EFHC2: variants seen among roughly 807,000 people sequenced by gnomAD.
EFHC2 encodes the protein EF-hand domain containing 2, also known as EF-hand domain-containing family member C2.
A neutral mutation model predicts 52.7 loss-of-function variants in EFHC2; 18 were observed. The observed-to-expected ratio is 0.34, with a 90% confidence interval of 0.24 to 0.51. EFHC2 has a LOEUF of 0.51. Among genes scored for constraint, EFHC2 ranks in the 20% least tolerant of loss-of-function variants. The pLI is 0.97. For missense variants in EFHC2, 513 were observed against 562.5 expected, an observed-to-expected ratio of 0.91 and a Z score of 0.89; for synonymous variants, 203 against 204.1, an observed-to-expected ratio of 0.99 and a Z score of 0.04.
At chrX:44,219,152 A>G (rs1334643193) in intron 11 of EFHC2, among the ~76,000 whole-genome samples, 1 of 108,422 alleles carries the variant, frequency 9.2e-6, no homozygotes, top group African/African-American at 3.4e-5. Flanking sequence ...AGTTAAAAAA[A>G]AAAAAAAAGC....
At chrX:44,222,767 T>C (rs1190557930) in intron 11 of EFHC2, among the ~76,000 whole-genome samples, 1 of 112,086 alleles carries the variant, frequency 8.9e-6, no homozygotes, top group Admixed American at 9.5e-5. Context: ...TATTAAAGTA[T>C]AATTGACAAA....
At chrX:44,289,669 T>TTTTC (rs1184358153) in intron 2 of EFHC2, among the ~76,000 whole-genome samples, 1 of 104,044 alleles carries the variant, frequency 9.6e-6, no homozygotes, top group African/African-American at 3.6e-5. Context: ...TACATCTTTC[T>TTTTC]TTTCTTTCTT....
At chrX:44,274,643 T>C (rs1028681925) in intron 2 of EFHC2, among the ~76,000 whole-genome samples, 1 of 111,908 alleles carries the variant, frequency 8.9e-6, no homozygotes, top group African/African-American at 3.2e-5. Context: ...CTGGCTACAG[T>C]GGCTCAGGCC....
At chrX:44,223,025 T>G (rs1486968812) in intron 11 of EFHC2, among the ~76,000 whole-genome samples, 3 of 112,135 alleles carry the variant, frequency 2.7e-5, no homozygotes, top group African/African-American at 6.5e-5. Context: ...TGAAACTTTC[T>G]ACAAAGGCTA....
intron 1 of EFHC2, among the ~76,000 whole-genome samples, chrX:44,325,812 T>C (rs375756359): frequency 4.8e-5 from 5 of 104,412 alleles, no homozygotes; most frequent in African/African-American, 1.8e-4. Flanking sequence ...AGCCATGAGC[T>C]AGATAAGCCA....
intron 3 of EFHC2, among the ~76,000 whole-genome samples, chrX:44,267,109 C>A (rs899118423): frequency 8.9e-6 from 1 of 111,872 alleles, no homozygotes; most frequent in Non-Finnish European, 1.9e-5. Flanking sequence ...AATCACGGCA[C>A]ATTTCTAATC....
chrX:44,262,568 A>G (rs1247507687), intron 3 of EFHC2, among the ~76,000 whole-genome samples: 1 of 109,685 alleles, frequency 9.1e-6, no homozygotes, highest in Non-Finnish European at 1.9e-5. Flanking sequence ...AGAATTTGAA[A>G]AAAAGAAAAA....
chrX:44,317,915 C>A (rs938424205), intron 1 of EFHC2, among the ~76,000 whole-genome samples: 1 of 112,556 alleles, frequency 8.9e-6, no homozygotes, highest in African/African-American at 3.2e-5. Flanking sequence ...ACTGTCACAC[C>A]TTGCTGGTGG....
At chrX:44,231,484 T>C (rs1040081098) in intron 10 of EFHC2, among the ~76,000 whole-genome samples, 1 of 107,793 alleles carries the variant, frequency 9.3e-6, no homozygotes, top group Non-Finnish European at 1.9e-5. Flanking sequence ...TCTCCTTCCA[T>C]AGGGGTTCAA....
At chrX:44,288,843 A>G (rs1473055308) in intron 2 of EFHC2, among the ~76,000 whole-genome samples, 2 of 111,966 alleles carry the variant, frequency 1.8e-5, no homozygotes, top group Non-Finnish European at 3.8e-5. Context: ...TTTAATTTGG[A>G]GAGCAATAAC....
At position 44,311,344 on chromosome X, in the gene EFHC2, T is replaced by C. The variant is rs780097818; in HGVS notation, c.231+1224A>G. Among the ~76,000 whole-genome samples, 8 of 112,351 alleles carry C rather than the reference T, an allele frequency of 7.1e-5. No homozygotes were observed. The Admixed American group carries it at 7.5e-4, about 11-fold the overall frequency. On this transcript the variant is annotated intron_variant, in intron 2 of 14. Coordinates refer to ENST00000420999, the MANE Select transcript of EFHC2 (RefSeq NM_025184.4). ...CCCTATCACAGATGACATGGGGATG[T>C]GTCAATTTGAGGACATTTTAATTAG...
chrX:44,205,838 A>T (rs1451624539), intron 11 of EFHC2, among the ~76,000 whole-genome samples: 1 of 111,503 alleles, frequency 9.0e-6, no homozygotes, highest in South Asian at 3.8e-4. Context: ...GAAAACTAAC[A>T]AGGAAACTCT....
chrX:44,164,424 A>G (rs1164823654), intron 13 of EFHC2, among the ~76,000 whole-genome samples: 6 of 112,423 alleles, frequency 5.3e-5, no homozygotes, highest in African/African-American at 9.7e-5. Flanking sequence ...TATTTCTTCA[A>G]TTGCATACCT....
chrX:44,178,169 A>ACACACACACACACACACACAC (rs3037408), intron 12 of EFHC2, among the ~76,000 whole-genome samples, 198 bp downstream of exon 12: 2 of 107,385 alleles, frequency 1.9e-5, no homozygotes, highest in Admixed American at 9.9e-5. Flanking sequence ...ACACACACAC[A>ACACACACACACACACACACAC]AGCTCTCCAT....
At chrX:44,287,183 C>T (rs1008628147) in intron 2 of EFHC2, among the ~76,000 whole-genome samples, 2 of 110,210 alleles carry the variant, frequency 1.8e-5, no homozygotes, top group Non-Finnish European at 3.8e-5. Flanking sequence ...AGTGAAACCT[C>T]GTTTCTAAAA....
chrX:44,229,758 G>A lies in EFHC2; in HGVS notation c.1642C>T (p.Leu548Phe). 3 of 1,209,806 alleles carry A rather than the reference G, an allele frequency of 2.5e-6. No individual in the cohort carries two copies. Among genetic ancestry groups the A allele is most frequent in the Non-Finnish European group, 3.4e-6 (3 of 894,434 alleles). Residue 548 changes from leucine to phenylalanine, a missense_variant, in exon 11 of 15, where the codon CTT (leucine) becomes TTT (phenylalanine). By Grantham distance (22) the Leu-to-Phe change is conservative. Coordinates refer to ENST00000420999, the MANE Select transcript of EFHC2 (RefSeq NM_025184.4). The part of the protein sequence containing the change: ...TDKYPFSNLK[L>F]ALQKLKQEEG... ...TCTTGCTTCAGCTTTTGTAGGGCAA[G>A]TTTGAGGTTACTGAAAGGATACTGT... is the stretch of plus-strand genomic sequence containing the variant.
intron 10 of EFHC2, among the ~76,000 whole-genome samples, chrX:44,231,057 A>T (rs1402671419): frequency 8.9e-6 from 1 of 111,938 alleles, no homozygotes; most frequent in East Asian, 2.8e-4. Flanking sequence ...TGAGTTTCTC[A>T]TCTAGATTCA....
At chrX:44,223,562 C>T (rs2037210234) in intron 11 of EFHC2, among the ~76,000 whole-genome samples, 1 of 110,792 alleles carries the variant, frequency 9.0e-6, no homozygotes, top group Admixed American at 9.6e-5. Context: ...TAAGCCCTCA[C>T]CAATACAAAC....
chrX:44,223,695 G>C (rs1160360868), intron 11 of EFHC2, among the ~76,000 whole-genome samples: 1 of 111,817 alleles, frequency 8.9e-6, no homozygotes, highest in Non-Finnish European at 1.9e-5. Context: ...TCAAAATGCT[G>C]TTTTCAAAAA....
Sources: allele counts gnomAD v4.1 joint callset (sites outside exome capture counted in the v4.1 genomes callset), GRCh38; gene constraint gnomAD v4.1.1; transcripts MANE v1.5; gene names NCBI Gene and HGNC (gene_info 2026-07-23, HGNC 2026-07-21).